NRG1: variants seen among roughly 807,000 people sequenced by gnomAD.
NRG1 encodes pro-neuregulin-1, membrane-bound isoform.
NRG1 carries 18 observed loss-of-function variants against 63.8 expected under a neutral mutation model. That is an observed-to-expected ratio of 0.28 (90% CI 0.19 to 0.42). The LOEUF is 0.42. Ranked by LOEUF, NRG1 falls within the 10% of genes least tolerant of loss-of-function variation. The pLI is 1.00. For synonymous variants in NRG1, 302 were observed against 301.3 expected (o/e 1.00, Z -0.02); for missense variants, 762 against 814.7 (o/e 0.94, Z 0.79).
chr8:32,505,015 C>T (rs939094558), intron 1 of NRG1, among the ~76,000 whole-genome samples: 15 of 152,124 alleles, frequency 9.9e-5, no homozygotes, highest in African/African-American at 3.6e-4. Context: ...GAATATTTTA[C>T]AGCTGAAGGA....
intron 5 of NRG1, among the ~76,000 whole-genome samples, chr8:32,686,099 C>G (rs1223493327): frequency 6.6e-6 from 1 of 152,112 alleles, no homozygotes; most frequent in African/African-American, 2.4e-5. Flanking sequence ...TTTCTGTGGT[C>G]TAGTCTAAGT....
At chr8:32,760,062 G>A in intron 10 of NRG1, 138 bp from the exon 11 acceptor site, 1 of 927,838 alleles carries the variant, frequency 1.1e-6, no homozygotes, top group Non-Finnish European at 1.6e-6. Flanking sequence ...ATTCTATTCG[G>A]AGACAAGTGA....
At chr8:32,175,395 G>T (rs1840596338) in intron 1 of NRG1, among the ~76,000 whole-genome samples, 1 of 152,108 alleles carries the variant, frequency 6.6e-6, no homozygotes, top group Non-Finnish European at 1.5e-5. Context: ...GGCAAAAACT[G>T]GAAGCATTCC....
chr8:32,098,965 A>G (rs187218523), intron 1 of NRG1, among the ~76,000 whole-genome samples: 327 of 152,298 alleles, frequency 2.1e-3, no homozygotes, highest in Non-Finnish European at 3.8e-3. Flanking sequence ...TAAATATACA[A>G]TTGTTGTCAC....
intron 1 of NRG1, among the ~76,000 whole-genome samples, chr8:32,428,254 C>T (rs987116122): frequency 9.9e-5 from 15 of 152,202 alleles, no homozygotes; most frequent in Admixed American, 9.2e-4. Context: ...TATAATTCCA[C>T]CCCAGGAGGG....
At chr8:32,681,082 T>C (rs891150609) in intron 5 of NRG1, among the ~76,000 whole-genome samples, 6 of 152,160 alleles carry the variant, frequency 3.9e-5, no homozygotes, top group African/African-American at 1.4e-4. Flanking sequence ...TGGCCAAACA[T>C]AGTGACTTGG....
chr8:32,634,887 C>CT (rs1189985343), intron 5 of NRG1, among the ~76,000 whole-genome samples: 4 of 152,188 alleles, frequency 2.6e-5, no homozygotes, highest in Non-Finnish European at 5.9e-5. Flanking sequence ...TGCTTCACCA[C>CT]TTACTAGCTA....
chr8:32,308,407 C>T (rs1856462332), intron 1 of NRG1, among the ~76,000 whole-genome samples: 1 of 152,192 alleles, frequency 6.6e-6, no homozygotes, highest in Admixed American at 6.5e-5. Context: ...CTATCTCATC[C>T]TCTTCTCTGC....
intron 1 of NRG1, among the ~76,000 whole-genome samples, chr8:31,933,395 C>A (rs145562736): frequency 1.3e-5 from 2 of 152,108 alleles, no homozygotes; most frequent in Non-Finnish European, 2.9e-5. Flanking sequence ...ACTCTCCTGC[C>A]TCAGCCTCCC....
intron 5 of NRG1, among the ~76,000 whole-genome samples, chr8:32,693,465 C>G (rs1185143107): frequency 6.6e-6 from 1 of 151,572 alleles, no homozygotes; most frequent in Non-Finnish European, 1.5e-5. Flanking sequence ...ATCCGCCCAC[C>G]TCGGCCTCCC....
intron 1 of NRG1, among the ~76,000 whole-genome samples, chr8:32,424,109 T>A (rs1023233178): frequency 6.6e-6 from 1 of 152,186 alleles, no homozygotes; most frequent in Non-Finnish European, 1.5e-5. Context: ...CTAAGCAGTA[T>A]ATCCATGAGT....
At chr8:32,307,830 T>G (rs1856388065) in intron 1 of NRG1, among the ~76,000 whole-genome samples, 1 of 151,058 alleles carries the variant, frequency 6.6e-6, no homozygotes, top group South Asian at 2.2e-4. Flanking sequence ...TCACAACCTC[T>G]CTCTGTCTCC....
chr8:31,646,022 C>A (rs180958913), intron 1 of NRG1, among the ~76,000 whole-genome samples: 7 of 152,210 alleles, frequency 4.6e-5, no homozygotes, highest in Admixed American at 4.6e-4. Context: ...AGCCTTCTCT[C>A]GAAACCTTGA....
At chr8:32,086,031 AC>A (rs1353230559) in intron 1 of NRG1, among the ~76,000 whole-genome samples, 1 of 152,198 alleles carries the variant, frequency 6.6e-6, no homozygotes, top group African/African-American at 2.4e-5. Context: ...TGAAATCCTC[AC>A]AAGGCACAGA....
At chr8:32,055,535 C>T (rs912019470) in intron 1 of NRG1, among the ~76,000 whole-genome samples, 10 of 152,074 alleles carry the variant, frequency 6.6e-5, no homozygotes, top group Non-Finnish European at 1.5e-5. Flanking sequence ...CAAAGCATTT[C>T]TCAGAAGACA....
intron 1 of NRG1, among the ~76,000 whole-genome samples, chr8:32,352,626 C>T (rs1805759710): frequency 6.6e-6 from 1 of 152,084 alleles, no homozygotes; most frequent in Non-Finnish European, 1.5e-5. Context: ...CACACCTGTA[C>T]TCCCAGCACT....
chr8:32,568,096 T>C (rs1837805492), intron 1 of NRG1, among the ~76,000 whole-genome samples: 1 of 152,220 alleles, frequency 6.6e-6, no homozygotes, highest in Non-Finnish European at 1.5e-5. Context: ...GCCTAAGTAT[T>C]ATTAAAGCAG....
intron 1 of NRG1, among the ~76,000 whole-genome samples, chr8:32,461,423 G>T (rs998671118): frequency 1.3e-5 from 2 of 152,132 alleles, no homozygotes; most frequent in African/African-American, 4.8e-5. Context: ...AGATGGCTGG[G>T]CGCGGTGGCT....
At chr8:32,168,575 T>C (rs1465472599) in intron 1 of NRG1, among the ~76,000 whole-genome samples, 1 of 152,230 alleles carries the variant, frequency 6.6e-6, no homozygotes, top group Non-Finnish European at 1.5e-5. Context: ...AACTTTAGTC[T>C]GTGACTGGGG....
Sources: allele counts gnomAD v4.1 joint callset (sites outside exome capture counted in the v4.1 genomes callset), GRCh38; gene constraint gnomAD v4.1.1; transcripts MANE v1.5; gene names NCBI Gene and HGNC (gene_info 2026-07-23, HGNC 2026-07-21).